Variants in KANSL1 observed in about 807,000 individuals in gnomAD.
The protein encoded by KANSL1 is MLL1/MLL complex subunit KANSL1.
Under a neutral mutation model 103.6 loss-of-function variants are expected in KANSL1, and 22 were observed. The observed-to-expected ratio is 0.21, with a 90% CI of 0.15 to 0.30. The LOEUF (loss-of-function observed/expected upper bound fraction) is 0.30. Ranked by LOEUF, KANSL1 falls within the 10% of genes least tolerant of loss-of-function variation. The probability of loss-of-function intolerance (pLI) is 1.00; values close to 1 mark genes in which losing one functional copy is unlikely to be tolerated. For synonymous variants in KANSL1, 600 were observed against 527.6 expected (o/e 1.14, Z -1.88); for missense variants, 1,337 against 1,399.8 (o/e 0.96, Z 0.72).
At chr17:46,061,870 T>C (rs1327522151) in intron 6 of KANSL1, among the ~76,000 whole-genome samples, 1 of 152,026 alleles carries the variant, frequency 6.6e-6, no homozygotes, top group East Asian at 1.9e-4. Flanking sequence ...GGCGGATGGA[T>C]CAGCTGAAGT....
chr17:46,095,471 C>T (rs186961354), intron 2 of KANSL1, among the ~76,000 whole-genome samples: 3 of 152,196 alleles, frequency 2.0e-5, no homozygotes, highest in South Asian at 2.1e-4. Flanking sequence ...TAAAAGATAA[C>T]GGGAAATTTT....
At chr17:46,116,896 A>C (rs1332298010) in intron 2 of KANSL1, among the ~76,000 whole-genome samples, 1 of 152,276 alleles carries the variant, frequency 6.6e-6, no homozygotes, top group Non-Finnish European at 1.5e-5. Flanking sequence ...GAGTGTTTGA[A>C]AATATATTTT....
intron 2 of KANSL1, among the ~76,000 whole-genome samples, chr17:46,148,865 C>G (rs978961697): frequency 6.7e-6 from 1 of 148,936 alleles, no homozygotes; most frequent in African/African-American, 2.5e-5. Flanking sequence ...GGATTACAAG[C>G]ATGAACCACC....
chr17:46,148,682 G>T (rs905142302), intron 2 of KANSL1, among the ~76,000 whole-genome samples: 1 of 151,538 alleles, frequency 6.6e-6, no homozygotes, highest in Non-Finnish European at 1.5e-5. Flanking sequence ...TACCTCCTGG[G>T]TTCAATTGAT....
chr17:46,148,896 A>G (rs1218198873), intron 2 of KANSL1, among the ~76,000 whole-genome samples: 1 of 131,180 alleles, frequency 7.6e-6, no homozygotes, highest in Non-Finnish European at 1.6e-5. Context: ...TGTTGCTTAC[A>G]CTTAAAAAAA....
intron 2 of KANSL1, among the ~76,000 whole-genome samples, chr17:46,146,992 G>A (rs544779279): frequency 1.3e-5 from 2 of 152,240 alleles, no homozygotes; most frequent in African/African-American, 2.4e-5. Flanking sequence ...AGAACTGCTT[G>A]AGCCCAGCCT....
chr17:46,099,229 C>T (rs1178776614), intron 2 of KANSL1, among the ~76,000 whole-genome samples: 1 of 142,320 alleles, frequency 7.0e-6, no homozygotes, highest in African/African-American at 2.5e-5. Flanking sequence ...GAGGCTGAGG[C>T]AGGAGAATGG....
At chr17:46,123,202 C>T (rs927776931) in intron 2 of KANSL1, among the ~76,000 whole-genome samples, 1 of 152,128 alleles carries the variant, frequency 6.6e-6, no homozygotes, top group Non-Finnish European at 1.5e-5. Flanking sequence ...CATGGCGAAA[C>T]CCCCTCTCTA....
intron 2 of KANSL1, among the ~76,000 whole-genome samples, chr17:46,117,071 G>A (rs1180237345): frequency 6.6e-6 from 1 of 152,224 alleles, no homozygotes; most frequent in African/African-American, 2.4e-5. Context: ...CTCCCAATGA[G>A]AGGCAGATTT....
Position 46,033,351 on chromosome 17 carries a change from A to G in KANSL1, c.2724+52T>C, listed in dbSNP as rs2077063002. 5 of 1,556,956 alleles carry G rather than the reference A, an allele frequency of 3.2e-6. No individual in the cohort carries two copies. The Admixed American group carries it at 8.4e-5, about 26-fold the overall frequency. The stretch of plus-strand genomic sequence containing the variant: ...ATTTAGGGTGTGTGCACTCATATGT[A>G]TGTGTGCATGTGTACACACGTGTTC... On this transcript the variant is annotated intron_variant, in intron 12 of 14. Coordinates refer to ENST00000432791, the MANE Select transcript of KANSL1 (RefSeq NM_015443.4).
intron 2 of KANSL1, among the ~76,000 whole-genome samples, chr17:46,120,691 C>A (rs2043241148): frequency 1.3e-5 from 2 of 152,166 alleles, no homozygotes; most frequent in South Asian, 4.1e-4. Flanking sequence ...TACCCATATA[C>A]CCTCCCTTCC....
intron 2 of KANSL1, among the ~76,000 whole-genome samples, chr17:46,147,843 A>C (rs1209156359): frequency 6.6e-6 from 1 of 152,234 alleles, no homozygotes; most frequent in Non-Finnish European, 1.5e-5. Context: ...CAAAAATAGA[A>C]TCACAGGCAA....
In KANSL1 at chr17:46,043,940, T is replaced by C. The variant is rs1056793017; in HGVS notation, c.2021-4056A>G. ...AGAAGTTTGCTGTGTTGCCTTTTAA[T>C]TGCTTCCATGTTAAGAGTGAACAGG... On this transcript the variant is annotated intron_variant, in intron 7 of 14. Coordinates refer to ENST00000432791, the MANE Select transcript of KANSL1 (RefSeq NM_015443.4). The C allele has an allele frequency of 2.6e-5, 4 of 152,014 alleles. No homozygotes were observed. The East Asian group carries it at 5.8e-4, about 22-fold the overall frequency. 9.4% of individuals were successfully genotyped at this position (152,014 alleles called of 1,614,324 possible).
chr17:46,199,065 T>C (rs2047708949), intron 1 of KANSL1, among the ~76,000 whole-genome samples: 1 of 152,166 alleles, frequency 6.6e-6, no homozygotes, highest in Non-Finnish European at 1.5e-5. Flanking sequence ...AAATATTAAA[T>C]AGCCAGAGTC....
intron 1 of KANSL1, among the ~76,000 whole-genome samples, chr17:46,175,307 T>C (rs909690102): frequency 6.9e-6 from 1 of 144,216 alleles, no homozygotes; most frequent in African/African-American, 2.6e-5. Context: ...ATCTGTCTTA[T>C]TGCTGTGTGT....
At chr17:46,046,742 CAGG>C (rs1371120208) in intron 7 of KANSL1, among the ~76,000 whole-genome samples, 1 of 149,618 alleles carries the variant, frequency 6.7e-6, no homozygotes, top group African/African-American at 2.5e-5. Context: ...GAGGCTGAGG[CAGG>C]AGAATTGCTT....
chr17:46,176,481 A>C (rs964721121), intron 1 of KANSL1, among the ~76,000 whole-genome samples: 1 of 152,222 alleles, frequency 6.6e-6, no homozygotes, highest in Non-Finnish European at 1.5e-5. Flanking sequence ...ACCTGAGGTC[A>C]GGAGTTCAAG....
chr17:46,192,015 A>G, intron 1 of KANSL1, among the ~76,000 whole-genome samples: 1 of 149,576 alleles, frequency 6.7e-6, no homozygotes, highest in Non-Finnish European at 1.5e-5. Context: ...GGTGGGGGGG[A>G]CCGAGGAAAA....
At chr17:46,069,804 A>G (rs1053874062) in intron 4 of KANSL1, among the ~76,000 whole-genome samples, 10 of 152,132 alleles carry the variant, frequency 6.6e-5, no homozygotes, top group Non-Finnish European at 1.3e-4. Context: ...AAGATAATCT[A>G]AAAGTTTTAA....
Sources: gnomAD v4.1 joint callset for allele counts (sites outside exome capture counted in the v4.1 genomes callset) on GRCh38, gnomAD v4.1.1 for gene constraint, MANE v1.5 for transcripts, NCBI Gene and HGNC (gene_info 2026-07-23, HGNC 2026-07-21) for gene names.